The following NFASC variants were observed in gnomAD, a reference collection of about 807,000 sequenced individuals.
The protein encoded by NFASC is neurofascin, also known as neurofascin homolog.
In NFASC, 43 loss-of-function variants were observed where a neutral mutation model predicts 147.5. The observed-to-expected ratio is 0.29, with a 90% CI of 0.23 to 0.38. The LOEUF (loss-of-function observed/expected upper bound fraction) is 0.38. Ranked by LOEUF, NFASC falls within the 10% of genes least tolerant of loss-of-function variation. NFASC has a pLI of 1.00. For missense variants in NFASC, 1,320 were observed against 1,689.0 expected, an observed-to-expected ratio of 0.78 and a Z score of 3.83; for synonymous variants, 622 against 665.5, an observed-to-expected ratio of 0.93 and a Z score of 1.01.
rs1227945148 is a variant in NFASC at position 205,010,574 on chromosome 1, C to CA, written c.3421+887dup. The CA allele has an allele frequency of 6.6e-6, 1 of 152,166 alleles. No homozygotes were observed. The highest frequency in any genetic ancestry group is 1.5e-5 in the Non-Finnish European group (1 of 68,126). The allele number at this position is 152,166 out of a possible 1,614,324, so 9.4% of individuals were successfully genotyped here. A position where few individuals can be genotyped will look rare whatever the true frequency, so the allele number is the denominator to read the frequency against. On this transcript the variant is annotated intron_variant, in intron 28 of 29. Transcript: ENST00000339876. This position sits in a 1 kb window ranked among gnomAD's most constrained non-coding sequence, Gnocchi z 4.1. ...TGCCACTGCACTCCAGCCTGGGTGACAGAGACCCTGTCTCAAATAAATAAA... is the reference window on the plus strand; with the variant it reads ...TGCCACTGCACTCCAGCCTGGGTGACAAGAGACCCTGTCTCAAATAAATAAA...
rs539813792 is a variant in NFASC at position 205,009,191 on chromosome 1, T to C, written c.3290-366T>C. 19 of 372,580 alleles carry C rather than the reference T, an allele frequency of 5.1e-5. No homozygotes were observed. In the Admixed American group the frequency reaches 6.7e-4, roughly 13 times the overall value. The allele number at this position is 372,580 out of a possible 1,614,324, so 23.1% of individuals were successfully genotyped here. A position where few individuals can be genotyped will look rare whatever the true frequency, so the allele number is the denominator to read the frequency against. ...TGGACTCATCCATGGGGAATCATAC[T>C]TCCATGGCCAATCCGTGGCCATCCC... On this transcript the variant is annotated intron_variant, in intron 27 of 29. Coordinates refer to ENST00000339876, the MANE Select transcript of NFASC (RefSeq NM_001005388.3).
chr1:204,861,887 T>C (rs2076712692), intron 1 of NFASC, among the ~76,000 whole-genome samples: 1 of 152,208 alleles, frequency 6.6e-6, no homozygotes, highest in Non-Finnish European at 1.5e-5. Context: ...GGCAGCCACT[T>C]TTGGTTGGTT....
intron 1 of NFASC, among the ~76,000 whole-genome samples, chr1:204,875,712 A>G (rs2078646936): frequency 1.3e-5 from 2 of 152,016 alleles, no homozygotes; most frequent in Non-Finnish European, 2.9e-5. Context: ...GGTTCTTTGT[A>G]GGAGAAGATG....
At chr1:204,899,055 G>A (rs1480582507) in intron 1 of NFASC, among the ~76,000 whole-genome samples, 1 of 152,140 alleles carries the variant, frequency 6.6e-6, no homozygotes, top group African/African-American at 2.4e-5. Context: ...GGACTGGAGG[G>A]GAGAAACAGA....
At position 204,968,751 on chromosome 1, in the gene NFASC, A is replaced by G; in HGVS notation, c.819-47A>G. On this transcript the variant is annotated intron_variant, in intron 9 of 29. Coordinates refer to ENST00000339876, the MANE Select transcript of NFASC (RefSeq NM_001005388.3). The surrounding 1 kb of genome is among the most constrained non-coding windows in gnomAD (Gnocchi z 5.4). ...TCCCCAGCTGTATAGAAGAGGAGAAAGGCCACGTTTAGTGATAACTTGTTT... is the reference window on the plus strand; with the variant it reads ...TCCCCAGCTGTATAGAAGAGGAGAAGGGCCACGTTTAGTGATAACTTGTTT... The G allele has an allele frequency of 6.4e-7, 1 of 1,568,090 alleles. No individual in the cohort carries two copies. The highest frequency in any genetic ancestry group is 8.7e-7 in the Non-Finnish European group (1 of 1,154,042).
intron 27 of NFASC, among the ~76,000 whole-genome samples, chr1:205,004,862 T>A (rs2096071907): frequency 6.6e-6 from 1 of 152,222 alleles, no homozygotes; most frequent in Non-Finnish European, 1.5e-5. Flanking sequence ...TCTCTGACCC[T>A]CACCAGAAAA....
intron 1 of NFASC, among the ~76,000 whole-genome samples, chr1:204,877,829 G>A (rs1025410428): frequency 2.0e-5 from 3 of 152,170 alleles, no homozygotes; most frequent in Non-Finnish European, 4.4e-5. Context: ...GCATCTCCTA[G>A]CAACTTCTCC....
At chr1:204,965,590 G>A (rs1209833868) in intron 8 of NFASC, among the ~76,000 whole-genome samples, 2 of 152,068 alleles carry the variant, frequency 1.3e-5, no homozygotes, top group African/African-American at 2.4e-5. Context: ...CCTTGGGCCC[G>A]AGTTTTTTTT....
At chr1:205,002,424 C>G (rs2096008196) in intron 26 of NFASC, among the ~76,000 whole-genome samples, 172 bp from the exon 27 acceptor site, 1 of 152,160 alleles carries the variant, frequency 6.6e-6, no homozygotes, top group Admixed American at 6.5e-5. Context: ...ATTGCACAGA[C>G]AGGCATAGGG....
rs1369490369 is a variant in NFASC at position 204,974,057 on chromosome 1, G to A, written c.1280-122G>A. On this transcript the variant is annotated intron_variant, in intron 12 of 29. Transcript: ENST00000339876. ...TTCCTGAAGGAGGGAAGGTTGATAGGGGAAGGTGTCTCAGTGCCTGGGAAG... is the reference window on the plus strand; with the variant it reads ...TTCCTGAAGGAGGGAAGGTTGATAGAGGAAGGTGTCTCAGTGCCTGGGAAG... 7.0e-6 allele frequency: 5 copies of A among 714,196 alleles called. No homozygotes were observed. The African/African-American group carries it at 8.8e-5, about 13-fold the overall frequency. 44.2% of individuals were successfully genotyped at this position (714,196 alleles called of 1,614,324 possible). A position where few individuals can be genotyped will look rare whatever the true frequency, so the allele number is the denominator to read the frequency against.
At chr1:204,858,812 C>T (rs1370172295) in intron 1 of NFASC, among the ~76,000 whole-genome samples, 3 of 152,070 alleles carry the variant, frequency 2.0e-5, no homozygotes, top group East Asian at 1.9e-4. Flanking sequence ...CCACCGGGGT[C>T]GTAACCCTGA....
intron 1 of NFASC, among the ~76,000 whole-genome samples, chr1:204,865,592 A>G (rs2077044445): frequency 6.6e-6 from 1 of 152,214 alleles, no homozygotes; most frequent in South Asian, 2.1e-4. Context: ...CCATAGAAAT[A>G]TGGGTTTATT....
intron 2 of NFASC, among the ~76,000 whole-genome samples, chr1:204,925,292 T>A (rs987882395): frequency 6.6e-6 from 1 of 152,200 alleles, no homozygotes; most frequent in Non-Finnish European, 1.5e-5. Context: ...TATCCCACTT[T>A]TAAACATAAG....
chr1:204,956,899 T>C (rs1421122452), intron 7 of NFASC, among the ~76,000 whole-genome samples: 1 of 151,090 alleles, frequency 6.6e-6, no homozygotes, highest in African/African-American at 2.4e-5. Flanking sequence ...ACATCAGATA[T>C]AGCACTTGAA....
chr1:204,877,341 G>A (rs891489141), intron 1 of NFASC, among the ~76,000 whole-genome samples: 3 of 151,902 alleles, frequency 2.0e-5, no homozygotes, highest in African/African-American at 7.3e-5. Context: ...CCTATACACA[G>A]CGTCTGTGAA....
intron 2 of NFASC, among the ~76,000 whole-genome samples, chr1:204,935,461 T>A (rs1166643174): frequency 1.3e-5 from 2 of 152,122 alleles, no homozygotes; most frequent in African/African-American, 4.8e-5. Flanking sequence ...AAACTAGAAG[T>A]GGGCATCTTA....
At chr1:204,850,930 A>C (rs1392250771) in intron 1 of NFASC, among the ~76,000 whole-genome samples, 1 of 152,226 alleles carries the variant, frequency 6.6e-6, no homozygotes, top group East Asian at 1.9e-4. Context: ...AACTTCATAG[A>C]GTTAATGAGG....
chr1:204,979,535 G>A lies in NFASC; in HGVS notation c.2152G>A (p.Glu718Lys), dbSNP rs1436283667. 4.3e-6 allele frequency: 7 copies of A among 1,613,646 alleles called. No individual in the cohort carries two copies. Among genetic ancestry groups the A allele is most frequent in the East Asian group, 2.2e-5 (1 of 44,882 alleles). ...VGSSHPSLPS[E>K]RYRTSGAPPE... ...GAGCAGCCACCCCAGCCTCCCATCCGAGCGCTACCGAACCAGTGGAGCACG... is the reference window on the plus strand; with the variant it reads ...GAGCAGCCACCCCAGCCTCCCATCCAAGCGCTACCGAACCAGTGGAGCACG... The change falls in exon 19 of 30, where the codon GAG becomes AAG. Residue 718 changes from glutamate to lysine, a missense_variant. By Grantham distance (56) the Glu-to-Lys change is moderately conservative (BLOSUM62 1). Coordinates refer to ENST00000339876, the MANE Select transcript of NFASC (RefSeq NM_001005388.3). This position sits in a 1 kb window ranked among gnomAD's most constrained non-coding sequence, Gnocchi z 6.0.
chr1:204,862,579 A>C (rs2076765621), intron 1 of NFASC, among the ~76,000 whole-genome samples: 1 of 152,208 alleles, frequency 6.6e-6, no homozygotes, highest in Non-Finnish European at 1.5e-5. Flanking sequence ...ATCAAGTTTA[A>C]AATATAACCT....
Sources: allele counts gnomAD v4.1 joint callset (sites outside exome capture counted in the v4.1 genomes callset), GRCh38; gene constraint gnomAD v4.1.1; non-coding constraint Gnocchi (gnomAD v3.1); transcripts MANE v1.5; gene names NCBI Gene and HGNC (gene_info 2026-07-23, HGNC 2026-07-21).